Variants in PKIB observed in about 807,000 individuals in gnomAD.
PKIB encodes cAMP-dependent protein kinase inhibitor beta.
PKIB carries 2 observed loss-of-function variants against 4.5 expected under a neutral mutation model. The observed-to-expected ratio is 0.44, with a 90% CI of 0.18 to 1.39. PKIB has a LOEUF of 1.39. Among genes scored for constraint, PKIB ranks in the 40% most tolerant of loss-of-function variants. The probability of loss-of-function intolerance (pLI) is 0.27; values close to 1 mark genes in which losing one functional copy is unlikely to be tolerated. For synonymous variants in PKIB, 38 were observed against 36.0 expected, an observed-to-expected ratio of 1.06 and a Z score of -0.20; for missense variants, 94 against 92.6, an observed-to-expected ratio of 1.02 and a Z score of -0.06.
chr6:122,541,981 C>T (rs895213938), intron 2 of PKIB, among the ~76,000 whole-genome samples: 3 of 152,052 alleles, frequency 2.0e-5, no homozygotes, highest in African/African-American at 7.3e-5. Flanking sequence ...GCATCGGCTC[C>T]TGAGGCTTCT....
intron 2 of PKIB, among the ~76,000 whole-genome samples, chr6:122,570,771 A>G (rs904496025): frequency 7.2e-5 from 11 of 152,314 alleles, no homozygotes; most frequent in East Asian, 5.8e-4. Flanking sequence ...AAATAAATTC[A>G]AGAAAATTTT....
chr6:122,716,847 C>T (rs559349833), intron 3 of PKIB, among the ~76,000 whole-genome samples: 1 of 152,246 alleles, frequency 6.6e-6, no homozygotes, highest in East Asian at 1.9e-4. Context: ...GGGTGTCTAT[C>T]TCTGCAGGCA....
In PKIB at chr6:122,567,545, C is replaced by G. The variant is rs188144979; in HGVS notation, c.-247-18376C>G. Among the ~76,000 whole-genome samples the G allele has an allele frequency of 2.0e-5, 3 of 152,280 alleles. No individual in the cohort carries two copies. In the East Asian group the frequency reaches 5.8e-4, roughly 29 times the overall value. On this transcript the variant is annotated intron_variant, in intron 2 of 6. Transcript: ENST00000392491. Reference sequence around the variant, plus strand: ...AAAACACCAGCATTAGTTATCTTCACTCAATTTTTAAATTAGCTAATTTAA... The same window carrying G: ...AAAACACCAGCATTAGTTATCTTCAGTCAATTTTTAAATTAGCTAATTTAA...
At chr6:122,649,617 T>G (rs1004125572) in intron 2 of PKIB, among the ~76,000 whole-genome samples, 2 of 152,130 alleles carry the variant, frequency 1.3e-5, no homozygotes, top group African/African-American at 4.8e-5. Flanking sequence ...CACTTCCATT[T>G]GATATTGGGG....
intron 3 of PKIB, 145 bp from the exon 4 acceptor site, chr6:122,717,642 A>G (rs1377803657): frequency 1.3e-6 from 1 of 792,806 alleles, no homozygotes; most frequent in Non-Finnish European, 2.1e-6. Context: ...GCAGGACCGT[A>G]ACAGTAGACA....
At chr6:122,521,116 T>C (rs1045704968) in intron 2 of PKIB, among the ~76,000 whole-genome samples, 1 of 152,214 alleles carries the variant, frequency 6.6e-6, no homozygotes, top group Admixed American at 6.5e-5. Context: ...GTTGCAGTTT[T>C]TGGTGCATCT....
chr6:122,576,710 A>ATATATATATATATATATATATATATT (rs59569106), intron 2 of PKIB, among the ~76,000 whole-genome samples: 1 of 110,030 alleles, frequency 9.1e-6, no homozygotes, highest in African/African-American at 4.0e-5. Flanking sequence ...ATATATATAT[A>ATATATATATATATATATATATATATT]TTTTCTTTTG....
chr6:122,714,140 A>C (rs181411089), intron 3 of PKIB, among the ~76,000 whole-genome samples: 357 of 152,294 alleles, frequency 2.3e-3, no homozygotes, highest in Non-Finnish European at 4.1e-3. Context: ...ACCAATTTCT[A>C]GGCCATTGAC....
chr6:122,533,030 T>G (rs188670809), intron 2 of PKIB, among the ~76,000 whole-genome samples: 24 of 152,256 alleles, frequency 1.6e-4, no homozygotes, highest in African/African-American at 5.3e-4. Flanking sequence ...TTTTAGTTGC[T>G]TTTTTTGAGT....
At chr6:122,537,094 C>T (rs1777428328) in intron 2 of PKIB, among the ~76,000 whole-genome samples, 1 of 151,876 alleles carries the variant, frequency 6.6e-6, no homozygotes, top group Non-Finnish European at 1.5e-5. Context: ...CTGCCTTTTC[C>T]TCCTAGTTGC....
At chr6:122,591,407 T>C (rs988467718) in intron 3 of PKIB, among the ~76,000 whole-genome samples, 1 of 152,276 alleles carries the variant, frequency 6.6e-6, no homozygotes, top group South Asian at 2.1e-4. Flanking sequence ...TAACACCCCA[T>C]AGATTTGAAC....
chr6:122,508,919 T>C (rs1008528500), intron 2 of PKIB, among the ~76,000 whole-genome samples: 9 of 151,996 alleles, frequency 5.9e-5, no homozygotes, highest in African/African-American at 1.7e-4. Context: ...CCCAGCTAAT[T>C]TTTGTATTTT....
rs534797615 is a variant in PKIB at position 122,594,369 on chromosome 6, G to A, written c.-161+8362G>A. ...TTACAGGCGTGCGCCACCATGCCCA[G>A]CTAATTTTTGTATTTTTAGTAGAGA... On this transcript the variant is annotated intron_variant, in intron 3 of 6. Coordinates refer to the PKIB transcript ENST00000392491. Among the ~76,000 whole-genome samples the A allele has an allele frequency of 2.1e-3, 313 of 152,140 alleles. 2 individuals carry two copies. Among genetic ancestry groups the A allele is most frequent in the African/African-American group, 7.3e-3 (303 of 41,508 alleles).
chr6:122,657,602 G>T (rs370283181), intron 2 of PKIB, among the ~76,000 whole-genome samples: 1 of 152,302 alleles, frequency 6.6e-6, no homozygotes. Flanking sequence ...ATTGTCTCTA[G>T]TTTTGGGCAT....
At chr6:122,682,042 C>A (rs756077119) in intron 3 of PKIB, among the ~76,000 whole-genome samples, 1 of 152,108 alleles carries the variant, frequency 6.6e-6, no homozygotes, top group Non-Finnish European at 1.5e-5. Context: ...CTGCTGTGGC[C>A]CTCTGGGATT....
chr6:122,601,766 C>A (rs1024366681), intron 3 of PKIB, among the ~76,000 whole-genome samples: 3 of 152,092 alleles, frequency 2.0e-5, no homozygotes, highest in African/African-American at 7.2e-5. Flanking sequence ...GTATATAGTA[C>A]ATATAACATA....
intron 2 of PKIB, among the ~76,000 whole-genome samples, chr6:122,537,574 A>T (rs567593325): frequency 6.6e-6 from 1 of 152,104 alleles, no homozygotes; most frequent in African/African-American, 2.4e-5. Context: ...CATCCAGTCT[A>T]TCGTTGTTGG....
intron 2 of PKIB, among the ~76,000 whole-genome samples, chr6:122,673,002 A>G (rs1777527417): frequency 6.6e-6 from 1 of 152,056 alleles, no homozygotes; most frequent in African/African-American, 2.4e-5. Context: ...CTGAATTTTT[A>G]TGTACATTAG....
intron 1 of PKIB, among the ~76,000 whole-genome samples, chr6:122,616,458 T>TG (rs1774992398): frequency 6.6e-6 from 1 of 152,130 alleles, no homozygotes; most frequent in Non-Finnish European, 1.5e-5. Flanking sequence ...AGGTGAAAGA[T>TG]GGAGGAGACG....
Sources: allele counts gnomAD v4.1 joint callset (sites outside exome capture counted in the v4.1 genomes callset), GRCh38; gene constraint gnomAD v4.1.1; transcripts MANE v1.5; gene names NCBI Gene and HGNC (gene_info 2026-07-23, HGNC 2026-07-21).